Variants in PIK3C2A observed in about 807,000 individuals in gnomAD.
PIK3C2A encodes the protein phosphatidylinositol 4-phosphate 3-kinase C2 domain-containing subunit alpha.
Under a neutral mutation model 204.5 loss-of-function variants are expected in PIK3C2A, and 97 were observed. The ratio of observed to expected loss-of-function variants is 0.47; its 90% confidence interval spans 0.40 to 0.56. The LOEUF (loss-of-function observed/expected upper bound fraction) is 0.56, where lower values mean the gene tolerates loss of function less well. Among genes scored for constraint, PIK3C2A ranks in the 20% least tolerant of loss-of-function variants. The pLI is 0.00. For synonymous variants in PIK3C2A, 653 were observed against 664.4 expected (o/e 0.98, Z 0.26); for missense variants, 1,735 against 1,969.2 (o/e 0.88, Z 2.25).
chr11:17,094,921 T>A (rs1273535475), intron 27 of PIK3C2A, among the ~76,000 whole-genome samples: 11 of 152,036 alleles, frequency 7.2e-5, no homozygotes. Flanking sequence ...ATTTTAAGAG[T>A]GATCATAACC....
intron 1 of PIK3C2A, among the ~76,000 whole-genome samples, chr11:17,190,997 A>G (rs1851921224): frequency 6.6e-6 from 1 of 152,202 alleles, no homozygotes; most frequent in Non-Finnish European, 1.5e-5. Context: ...AGTGAAGCCC[A>G]AGCAGGATAA....
chr11:17,145,752 T>C (rs1850222573), intron 7 of PIK3C2A, 21 bp from the exon 8 acceptor site: 3 of 1,585,442 alleles, frequency 1.9e-6, no homozygotes, highest in African/African-American at 2.7e-5. Flanking sequence ...CAACAGTTAT[T>C]GTGGCTGAAG....
rs146442752 is a variant in PIK3C2A at position 17,150,654 on chromosome 11, A to G, written c.1171T>C (p.Leu391=). 10 of 1,590,944 alleles carry G rather than the reference A, an allele frequency of 6.3e-6. No homozygotes were observed. The highest frequency in any genetic ancestry group is 1.7e-4 in the Middle Eastern group (1 of 5,972). The part of the protein sequence containing the change: ...MAAFCRSITK[L]KTKFPYTNHR... ...TTGGTATATGGAAATTTGGTCTTCAATCTGTTCACAAGAAAGAAGAAATTA... is the reference window on the plus strand; with the variant it reads ...TTGGTATATGGAAATTTGGTCTTCAGTCTGTTCACAAGAAAGAAGAAATTA... The change falls in exon 4 of 33, where the codon TTG becomes CTG. Residue 391 remains leucine, a splice_region_variant and synonymous_variant. Transcript: ENST00000691414.
At position 17,122,200 on chromosome 11, in the gene PIK3C2A, T is replaced by A. The variant is rs766921444; in HGVS notation, c.2645A>T (p.Asp882Val). The A allele has an allele frequency of 2.5e-6, 4 of 1,585,284 alleles. No homozygotes were observed. The highest frequency in any genetic ancestry group is 3.5e-6 in the Non-Finnish European group (4 of 1,156,806). ...KGKLLDILHKDSSLGLSKEDK... is the reference protein window; with the variant it reads ...KGKLLDILHKVSSLGLSKEDK... ...AAACAGAACATACCCAAGTGATGAG[T>A]CTTTATGAAGAATATCAAGAAGTTT... The change falls in exon 15 of 33, where the codon GAC becomes GTC. Residue 882 changes from aspartate to valine, a missense_variant. Transcript: ENST00000691414.
At position 17,110,420 on chromosome 11, in the gene PIK3C2A, T is replaced by C. The variant is rs1310983813; in HGVS notation, c.3544+12A>G. 1.2e-6 allele frequency: 2 copies of C among 1,604,810 alleles called. No individual in the cohort carries two copies. The highest frequency in any genetic ancestry group is 2.7e-5 in the African/African-American group (2 of 74,556). On this transcript the variant is annotated intron_variant, in intron 22 of 32. Transcript: ENST00000691414. ...AAAAAATAAGACATCAAGACACAGCTAATAAACTTACCTCGATCTCTGCCA... is the reference window on the plus strand; with the variant it reads ...AAAAAATAAGACATCAAGACACAGCCAATAAACTTACCTCGATCTCTGCCA...
At chr11:17,177,902 G>A (rs1851388531) in intron 1 of PIK3C2A, among the ~76,000 whole-genome samples, 1 of 152,028 alleles carries the variant, frequency 6.6e-6, no homozygotes, top group Non-Finnish European at 1.5e-5. Context: ...AGACCAGCCT[G>A]GCCAGTATGG....
Position 17,099,934 on chromosome 11 carries a change from A to C in PIK3C2A, c.4044T>G (p.Ile1348Met). The C allele has an allele frequency of 6.3e-7, 1 of 1,590,390 alleles. No individual in the cohort carries two copies. The highest frequency in any genetic ancestry group is 8.6e-7 in the Non-Finnish European group (1 of 1,158,912). The change falls in exon 26 of 33, where the codon ATT becomes ATG. Residue 1348 changes from isoleucine (I) to methionine (M), a missense_variant. Ile to Met is a conservative substitution (Grantham distance 10, BLOSUM62 1). This residue lies in a region of PIK3C2A where 503 missense variants were observed against 669.0 expected (regional missense o/e 0.75). Coordinates refer to ENST00000691414, the MANE Select transcript of PIK3C2A (RefSeq NM_002645.4). ...CATCTCTAACGTATTTCAAATCTTGAATACTTGTAAGTTCTGGTAACCCTG... is the reference window on the plus strand; with the variant it reads ...CATCTCTAACGTATTTCAAATCTTGCATACTTGTAAGTTCTGGTAACCCTG... ...IPSGLPELTS[I>M]QDLKYVRDAL...
At chr11:17,198,356 C>T (rs919540060) in intron 1 of PIK3C2A, among the ~76,000 whole-genome samples, 8 of 105,132 alleles carry the variant, frequency 7.6e-5, no homozygotes, top group Non-Finnish European at 1.4e-4. Flanking sequence ...GTGATCCACC[C>T]ACCTCAGCCT....
intron 1 of PIK3C2A, among the ~76,000 whole-genome samples, chr11:17,187,596 T>C (rs1367666783): frequency 6.6e-6 from 1 of 152,042 alleles, no homozygotes; most frequent in Non-Finnish European, 1.5e-5. Context: ...AAGACAGTTT[T>C]GGAGAAGTAT....
At chr11:17,152,468 A>G (rs1002490030) in intron 3 of PIK3C2A, among the ~76,000 whole-genome samples, 8 of 152,180 alleles carry the variant, frequency 5.3e-5, no homozygotes, top group Admixed American at 3.9e-4. Context: ...GCATTTAAAC[A>G]TACAAAATCA....
At chr11:17,124,395 T>A (rs951965416) in intron 13 of PIK3C2A, among the ~76,000 whole-genome samples, 12 of 152,172 alleles carry the variant, frequency 7.9e-5, no homozygotes, top group East Asian at 3.9e-4. Flanking sequence ...TGATGTTTTT[T>A]AAAAACAGTT....
Position 17,136,556 on chromosome 11 carries a change from C to T in PIK3C2A, c.1774G>A (p.Glu592Lys), listed in dbSNP as rs1362780604. The T allele has an allele frequency of 2.1e-5, 33 of 1,599,700 alleles. No homozygotes were observed. Among genetic ancestry groups the T allele is most frequent in the Non-Finnish European group, 2.7e-5 (32 of 1,167,220 alleles). Residue 592 changes from glutamate to lysine, a missense_variant, in exon 9 of 33, where the codon GAG becomes AAG. Physicochemically the swap from Glu to Lys is moderately conservative, Grantham distance 56. Around this residue, in one of 6 missense-constraint regions of PIK3C2A, gnomAD observed 106 missense variants for 108.2 expected, o/e 0.98. Coordinates refer to ENST00000691414, the MANE Select transcript of PIK3C2A (RefSeq NM_002645.4). ...ACTGATTCTGTAATGGCAAGAGTCT[C>T]GACACCATCTAAAGCACTACAGATT... ...RKICSALDGV[E>K]TLAITESVKK...
chr11:17,108,760 G>A (rs1388093640), intron 22 of PIK3C2A, among the ~76,000 whole-genome samples: 1 of 152,138 alleles, frequency 6.6e-6, no homozygotes, highest in Non-Finnish European at 1.5e-5. Context: ...CCACCCTTTT[G>A]TATTCTACAA....
In PIK3C2A at chr11:17,094,397, T is replaced by G; in HGVS notation, c.4327-12A>C. Reference sequence around the variant, plus strand: ...CGGACTACATAAATCTGAAAAGAAATCACACCACAAACACATAAAATTTAT... The same window carrying G: ...CGGACTACATAAATCTGAAAAGAAAGCACACCACAAACACATAAAATTTAT... On this transcript the variant is annotated splice_polypyrimidine_tract_variant and intron_variant, in intron 27 of 32. Transcript: ENST00000691414. The G allele has an allele frequency of 6.2e-7, 1 of 1,603,030 alleles. No homozygotes were observed. Among genetic ancestry groups the G allele is most frequent in the Middle Eastern group, 1.7e-4 (1 of 5,950 alleles).
chr11:17,145,170 G>A (rs921402334), intron 8 of PIK3C2A, among the ~76,000 whole-genome samples: 1 of 152,130 alleles, frequency 6.6e-6, no homozygotes, highest in Non-Finnish European at 1.5e-5. Context: ...TTAAGACCTT[G>A]GGAGACTATT....
At chr11:17,146,888 A>C (rs554820614) in intron 6 of PIK3C2A, among the ~76,000 whole-genome samples, 1 of 152,174 alleles carries the variant, frequency 6.6e-6, no homozygotes, top group Non-Finnish European at 1.5e-5. Flanking sequence ...GAAAGCAGAC[A>C]TCACTGATAT....
At chr11:17,141,171 A>C (rs1850051338) in intron 8 of PIK3C2A, among the ~76,000 whole-genome samples, 1 of 152,182 alleles carries the variant, frequency 6.6e-6, no homozygotes, top group South Asian at 2.1e-4. Flanking sequence ...TGAAGGAGTG[A>C]CATGATCTAA....
intron 6 of PIK3C2A, 106 bp downstream of exon 6, chr11:17,147,411 C>A: frequency 1.5e-6 from 1 of 652,648 alleles, no homozygotes; most frequent in South Asian, 1.9e-5. Flanking sequence ...TTCATCACCC[C>A]ATTCTAACTA....
At chr11:17,123,092 C>T (rs542936282) in intron 13 of PIK3C2A, among the ~76,000 whole-genome samples, 1 of 152,206 alleles carries the variant, frequency 6.6e-6, no homozygotes, top group African/African-American at 2.4e-5. Context: ...AAGGTAAGGA[C>T]TCAGAAAACA....
Sources: allele counts gnomAD v4.1 joint callset (sites outside exome capture counted in the v4.1 genomes callset), GRCh38; gene constraint gnomAD v4.1.1; regional missense constraint gnomAD v4.1.1; transcripts MANE v1.5; gene names NCBI Gene and HGNC (gene_info 2026-07-23, HGNC 2026-07-21).